The following CDKAL1 variants were observed in gnomAD, a reference collection of about 807,000 sequenced individuals.
CDKAL1 encodes threonylcarbamoyladenosine tRNA methylthiotransferase.
Under a neutral mutation model 68.2 loss-of-function variants are expected in CDKAL1, and 32 were observed. The observed-to-expected ratio is 0.47, with a 90% CI of 0.35 to 0.63. The LOEUF is 0.63. CDKAL1 is among the 30% of genes least tolerant of loss of function. The pLI is 0.00. For synonymous variants in CDKAL1, 234 were observed against 244.3 expected, an observed-to-expected ratio of 0.96 and a Z score of 0.39; for missense variants, 606 against 696.7, an observed-to-expected ratio of 0.87 and a Z score of 1.47.
chr6:20,898,224 A>G (rs1204377375), intron 9 of CDKAL1, among the ~76,000 whole-genome samples: 4 of 150,896 alleles, frequency 2.7e-5, no homozygotes, highest in African/African-American at 4.9e-5. Context: ...GTTGGTTTGT[A>G]TATGTGTGTT....
At chr6:20,784,565 T>G (rs1244047189) in intron 8 of CDKAL1, among the ~76,000 whole-genome samples, 1 of 151,452 alleles carries the variant, frequency 6.6e-6, no homozygotes, top group Non-Finnish European at 1.5e-5. Context: ...GCTGGGACTA[T>G]AGGCGTGTGC....
At chr6:20,637,912 A>G (rs1258539121) in intron 4 of CDKAL1, among the ~76,000 whole-genome samples, 1 of 152,166 alleles carries the variant, frequency 6.6e-6, no homozygotes, top group African/African-American at 2.4e-5. Flanking sequence ...TCTGAATAAT[A>G]TGACCTGGAG....
chr6:20,596,482 C>G (rs1561952814), intron 4 of CDKAL1, among the ~76,000 whole-genome samples: 1 of 152,186 alleles, frequency 6.6e-6, no homozygotes, highest in Non-Finnish European at 1.5e-5. Context: ...ACCGCCTACT[C>G]AAGCCTCAGT....
intron 13 of CDKAL1, among the ~76,000 whole-genome samples, chr6:21,181,785 T>A (rs1777800206): frequency 6.6e-6 from 1 of 152,234 alleles, no homozygotes; most frequent in African/African-American, 2.4e-5. Context: ...GAAAATATTT[T>A]AATTATTTCT....
intron 9 of CDKAL1, among the ~76,000 whole-genome samples, chr6:20,917,960 A>G (rs114271790): frequency 0.011 from 1,619 of 152,250 alleles, 29 homozygotes; most frequent in African/African-American, 0.036. Flanking sequence ...AATACAAAAG[A>G]ATTGGCTGGG....
At chr6:20,983,236 G>A (rs1025788230) in intron 10 of CDKAL1, among the ~76,000 whole-genome samples, 2 of 152,146 alleles carry the variant, frequency 1.3e-5, no homozygotes, top group African/African-American at 4.8e-5. Context: ...AGACTGCAAA[G>A]ATCCCATTAA....
intron 9 of CDKAL1, among the ~76,000 whole-genome samples, chr6:20,891,434 A>G (rs1761388888): frequency 6.6e-6 from 1 of 152,080 alleles, no homozygotes; most frequent in Non-Finnish European, 1.5e-5. Flanking sequence ...ATGGGAGGTG[A>G]AAGTACCCAA....
chr6:21,045,170 G>A (rs1416991277), intron 11 of CDKAL1, among the ~76,000 whole-genome samples: 1 of 152,188 alleles, frequency 6.6e-6, no homozygotes, highest in East Asian at 1.9e-4. Flanking sequence ...ACAGAAAAAG[G>A]ACTATAGCAT....
chr6:20,847,414 G>T, intron 9 of CDKAL1, among the ~76,000 whole-genome samples: 1 of 152,092 alleles, frequency 6.6e-6, no homozygotes, highest in South Asian at 2.1e-4. Flanking sequence ...CTTAATTAGT[G>T]TTTGTTTTTC....
chr6:20,881,455 G>A lies in CDKAL1; in HGVS notation c.742+35277G>A, dbSNP rs544569231. Among the ~76,000 whole-genome samples, 3 of 152,236 alleles carry A rather than the reference G, an allele frequency of 2.0e-5. No homozygotes were observed. The South Asian group carries it at 6.2e-4, about 32-fold the overall frequency. On this transcript the variant is annotated intron_variant, in intron 9 of 15. Coordinates refer to ENST00000274695, the MANE Select transcript of CDKAL1 (RefSeq NM_017774.3). The stretch of plus-strand genomic sequence containing the variant: ...TTCTGTATGCTTGTTATTGAGAACT[G>A]ATTGTCATCTCACTCTTCTGTGAAT...
chr6:20,795,050 G>A (rs1053171890), intron 8 of CDKAL1, among the ~76,000 whole-genome samples: 1 of 152,068 alleles, frequency 6.6e-6, no homozygotes, highest in Non-Finnish European at 1.5e-5. Flanking sequence ...TTTGGTGTGA[G>A]AGCACCTTTG....
intron 13 of CDKAL1, among the ~76,000 whole-genome samples, chr6:21,119,546 T>G (rs556230288): frequency 1.3e-5 from 2 of 152,314 alleles, no homozygotes; most frequent in African/African-American, 2.4e-5. Flanking sequence ...GGTTTTCGCT[T>G]CTAAAACCTC....
chr6:20,632,320 A>G (rs1393909510), intron 4 of CDKAL1, among the ~76,000 whole-genome samples: 2 of 152,164 alleles, frequency 1.3e-5, no homozygotes, highest in Non-Finnish European at 2.9e-5. Context: ...ATCTCGAGAG[A>G]GCGTTGTAGT....
chr6:21,116,576 A>C (rs990720911), intron 13 of CDKAL1, among the ~76,000 whole-genome samples: 1 of 152,124 alleles, frequency 6.6e-6, no homozygotes, highest in Non-Finnish European at 1.5e-5. Context: ...GGCATTTGTG[A>C]CTGCCTTTTA....
chr6:21,219,280 C>T (rs747982912), intron 15 of CDKAL1, among the ~76,000 whole-genome samples: 28 of 152,124 alleles, frequency 1.8e-4, no homozygotes, highest in Non-Finnish European at 4.4e-5. Flanking sequence ...CCACATTTTC[C>T]CATGTATTAT....
intron 9 of CDKAL1, among the ~76,000 whole-genome samples, chr6:20,857,637 A>C (rs1395940649): frequency 6.6e-6 from 1 of 152,200 alleles, no homozygotes; most frequent in South Asian, 2.1e-4. Context: ...AATCATTTCA[A>C]ATGTTTGGGA....
intron 8 of CDKAL1, among the ~76,000 whole-genome samples, chr6:20,819,858 A>G (rs951868157): frequency 6.6e-6 from 1 of 152,084 alleles, no homozygotes; most frequent in Non-Finnish European, 1.5e-5. Context: ...TTTTTATTAA[A>G]TATTTAAGAA....
At chr6:21,228,053 C>G (rs891508987) in intron 15 of CDKAL1, among the ~76,000 whole-genome samples, 8 of 152,182 alleles carry the variant, frequency 5.3e-5, no homozygotes, top group African/African-American at 1.9e-4. Flanking sequence ...TGGCCTGGCA[C>G]CACTAATCAT....
At chr6:20,857,785 G>A (rs1044303077) in intron 9 of CDKAL1, among the ~76,000 whole-genome samples, 1 of 151,986 alleles carries the variant, frequency 6.6e-6, no homozygotes, top group African/African-American at 2.4e-5. Flanking sequence ...TAAAAATCTG[G>A]GCCAGTTTTC....
Sources: gnomAD v4.1 joint callset for allele counts (sites outside exome capture counted in the v4.1 genomes callset) on GRCh38, gnomAD v4.1.1 for gene constraint, MANE v1.5 for transcripts, NCBI Gene and HGNC (gene_info 2026-07-23, HGNC 2026-07-21) for gene names.